MAML2: variants seen among roughly 807,000 people sequenced by gnomAD.
MAML2 encodes the protein mastermind-like protein 2.
In MAML2, 22 loss-of-function variants were observed where a neutral mutation model predicts 96.1. The ratio of observed to expected loss-of-function variants is 0.23; its 90% CI spans 0.16 to 0.33. The LOEUF (loss-of-function observed/expected upper bound fraction) is 0.33, where lower values mean the gene tolerates loss of function less well. Ranked by LOEUF, MAML2 falls within the 10% of genes least tolerant of loss-of-function variation. MAML2 has a pLI of 1.00. For synonymous variants in MAML2, 561 were observed against 521.3 expected (o/e 1.08, Z -1.04); for missense variants, 1,367 against 1,392.4 (o/e 0.98, Z 0.29).
At chr11:96,292,117 A>G (rs2135992444) in intron 1 of MAML2, among the ~76,000 whole-genome samples, 1 of 152,370 alleles carries the variant, frequency 6.6e-6, no homozygotes, top group Middle Eastern at 3.4e-3. Flanking sequence ...CTTGTAGCAC[A>G]TAACTACTGC....
intron 1 of MAML2, among the ~76,000 whole-genome samples, chr11:96,332,475 A>G (rs1462098991): frequency 6.6e-6 from 1 of 152,200 alleles, no homozygotes; most frequent in Admixed American, 6.5e-5. Context: ...TCTAAGGGAG[A>G]AAAGGAAGCT....
chr11:96,206,218 C>A (rs959288139), intron 1 of MAML2, among the ~76,000 whole-genome samples: 2 of 152,006 alleles, frequency 1.3e-5, no homozygotes, highest in Admixed American at 6.5e-5. Context: ...TTTCTTTATG[C>A]AACATGAATA....
intron 4 of MAML2, among the ~76,000 whole-genome samples, chr11:95,983,359 C>T (rs1380648569): frequency 6.6e-6 from 1 of 152,112 alleles, no homozygotes; most frequent in Admixed American, 6.6e-5. Context: ...CTAAGTTGCT[C>T]TCATAGAAGT....
intron 2 of MAML2, among the ~76,000 whole-genome samples, chr11:96,058,899 T>C (rs1413004099): frequency 6.6e-6 from 1 of 152,146 alleles, no homozygotes; most frequent in Non-Finnish European, 1.5e-5. Context: ...CTGGCCAACA[T>C]GGTAAAACCC....
chr11:96,114,910 C>A (rs1860208002), intron 1 of MAML2, among the ~76,000 whole-genome samples: 1 of 152,146 alleles, frequency 6.6e-6, no homozygotes, highest in African/African-American at 2.4e-5. Context: ...AAGAGGTGAG[C>A]TGGCTGGGAT....
chr11:96,326,657 G>A (rs934455566), intron 1 of MAML2, among the ~76,000 whole-genome samples: 1 of 151,874 alleles, frequency 6.6e-6, no homozygotes, highest in Admixed American at 6.6e-5. Flanking sequence ...AATTAGCCAG[G>A]TATGGTGTGA....
chr11:96,278,717 C>T (rs1175226679), intron 1 of MAML2, among the ~76,000 whole-genome samples: 1 of 152,166 alleles, frequency 6.6e-6, no homozygotes, highest in Non-Finnish European at 1.5e-5. Flanking sequence ...ATACACTTTA[C>T]CTTTCTAGGG....
At chr11:96,217,213 T>C (rs548699518) in intron 1 of MAML2, among the ~76,000 whole-genome samples, 1 of 152,376 alleles carries the variant, frequency 6.6e-6, no homozygotes, top group South Asian at 2.1e-4. Flanking sequence ...TCCATGTCAC[T>C]GGAAATATTT....
chr11:96,126,071 G>A (rs1412893041), intron 1 of MAML2, among the ~76,000 whole-genome samples: 1 of 152,136 alleles, frequency 6.6e-6, no homozygotes, highest in Admixed American at 6.5e-5. Context: ...TGATACGGTC[G>A]TAATACTTTC....
At chr11:96,289,579 T>C (rs1456677762) in intron 1 of MAML2, among the ~76,000 whole-genome samples, 1 of 152,210 alleles carries the variant, frequency 6.6e-6, no homozygotes, top group Non-Finnish European at 1.5e-5. Context: ...GAGAAGAAAA[T>C]GATATGTTTA....
At chr11:96,096,189 C>A (rs559268352) in intron 1 of MAML2, among the ~76,000 whole-genome samples, 2 of 152,288 alleles carry the variant, frequency 1.3e-5, no homozygotes, top group Admixed American at 6.5e-5. Flanking sequence ...TTTGAAAAAA[C>A]CTGTTCAGCC....
chr11:96,050,676 A>T (rs1322380072), intron 2 of MAML2, among the ~76,000 whole-genome samples: 1 of 152,186 alleles, frequency 6.6e-6, no homozygotes, highest in Non-Finnish European at 1.5e-5. Flanking sequence ...ACTATAAATG[A>T]ACTGCAAATA....
At chr11:96,016,100 A>G (rs1211592123) in intron 2 of MAML2, among the ~76,000 whole-genome samples, 1 of 152,180 alleles carries the variant, frequency 6.6e-6, no homozygotes, top group Non-Finnish European at 1.5e-5. Flanking sequence ...ATTTAAACTT[A>G]TTTATTTAAA....
At chr11:96,074,322 G>A (rs544842409) in intron 2 of MAML2, among the ~76,000 whole-genome samples, 24 of 152,224 alleles carry the variant, frequency 1.6e-4, no homozygotes, top group African/African-American at 5.5e-4. Context: ...GTGAAGGACA[G>A]TATATGCTGT....
At chr11:96,007,993 A>G (rs934697097) in intron 2 of MAML2, among the ~76,000 whole-genome samples, 13 of 149,158 alleles carry the variant, frequency 8.7e-5, no homozygotes, top group African/African-American at 3.0e-4. Flanking sequence ...AACCTGCACA[A>G]TGTGCACATG....
chr11:95,991,321 G>C (rs906771686), intron 3 of MAML2, among the ~76,000 whole-genome samples, 199 bp downstream of exon 3: 2 of 141,202 alleles, frequency 1.4e-5, no homozygotes, highest in African/African-American at 5.4e-5. Context: ...TGCATTCCAA[G>C]TGTCCAGCAG....
intron 1 of MAML2, among the ~76,000 whole-genome samples, chr11:96,315,729 G>A (rs1463004333): frequency 6.6e-6 from 1 of 152,182 alleles, no homozygotes; most frequent in Non-Finnish European, 1.5e-5. Flanking sequence ...AGTTGTCCCT[G>A]AGGATACTTG....
intron 2 of MAML2, among the ~76,000 whole-genome samples, chr11:96,028,016 A>T (rs1003362833): frequency 6.6e-6 from 1 of 152,132 alleles, no homozygotes; most frequent in Non-Finnish European, 1.5e-5. Context: ...ATGGGCATGA[A>T]CCACAGCACC....
intron 1 of MAML2, among the ~76,000 whole-genome samples, chr11:96,272,201 C>T (rs1862925908): frequency 1.3e-5 from 2 of 152,178 alleles, no homozygotes; most frequent in Admixed American, 6.5e-5. Flanking sequence ...TGTGTTTTCT[C>T]TGCTAGAATG....
Sources: gnomAD v4.1 joint callset for allele counts (sites outside exome capture counted in the v4.1 genomes callset) on GRCh38, gnomAD v4.1.1 for gene constraint, MANE v1.5 for transcripts, NCBI Gene and HGNC (gene_info 2026-07-23, HGNC 2026-07-21) for gene names.